ZNF568: variants seen among roughly 807,000 people sequenced by gnomAD.
The protein encoded by ZNF568 is zinc finger protein 568, also known as p53 inhibitor of SCO2 activation.
Under a neutral mutation model 18.1 loss-of-function variants are expected in ZNF568, and 11 were observed. The observed-to-expected ratio is 0.61, with a 90% CI of 0.38 to 1.00. The LOEUF (loss-of-function observed/expected upper bound fraction) is 1.00. ZNF568 is among the 50% of genes least tolerant of loss of function. The pLI is 0.01. For missense variants in ZNF568, 639 were observed against 768.2 expected, an observed-to-expected ratio of 0.83 and a Z score of 1.99; for synonymous variants, 213 against 246.6, an observed-to-expected ratio of 0.86 and a Z score of 1.28.
At chr19:36,937,051 T>C in intron 5 of ZNF568, 96 bp from the exon 6 acceptor site, 1 of 1,400,972 alleles carries the variant, frequency 7.1e-7, no homozygotes, top group Middle Eastern at 1.9e-4. Context: ...TCATTCATCC[T>C]CATCTTTTAT....
At chr19:36,959,802 T>A (rs1032784599) in intron 6 of ZNF568, among the ~76,000 whole-genome samples, 10 of 152,172 alleles carry the variant, frequency 6.6e-5, no homozygotes, top group African/African-American at 2.4e-4. Context: ...TAGCTGCTCG[T>A]AAGTCTCTGA....
intron 7 of ZNF568, among the ~76,000 whole-genome samples, chr19:36,978,022 C>T (rs1030107913): frequency 6.6e-6 from 1 of 152,198 alleles, no homozygotes; most frequent in Admixed American, 6.5e-5. Context: ...AGCTTATGCC[C>T]TAGGGCCTCA....
chr19:36,994,345 A>G (rs547757350), intron 4 of ZNF568, among the ~76,000 whole-genome samples: 1 of 152,316 alleles, frequency 6.6e-6, no homozygotes, highest in East Asian at 1.9e-4. Context: ...AACCTGAAAA[A>G]TGTTCCATAC....
intron 6 of ZNF568, among the ~76,000 whole-genome samples, chr19:36,939,680 C>T (rs897482965): frequency 6.6e-6 from 1 of 151,742 alleles, no homozygotes; most frequent in Non-Finnish European, 1.5e-5. Context: ...GCTGGGACTA[C>T]AGGCACGCGT....
intron 2 of ZNF568, chr19:36,991,019 C>G: frequency 1.4e-6 from 1 of 716,114 alleles, no homozygotes; most frequent in Non-Finnish European, 2.2e-6. Flanking sequence ...TCTGATCACC[C>G]CTGTTTCCAC....
intron 4 of ZNF568, among the ~76,000 whole-genome samples, chr19:36,927,898 TA>T (rs1226697546): frequency 8.5e-5 from 3 of 35,268 alleles, no homozygotes; most frequent in African/African-American, 4.2e-4. Flanking sequence ...TATATATATA[TA>T]TATATTTTTT....
intron 4 of ZNF568, among the ~76,000 whole-genome samples, chr19:36,928,933 T>G (rs1179467421): frequency 6.6e-6 from 1 of 152,100 alleles, no homozygotes; most frequent in Non-Finnish European, 1.5e-5. Flanking sequence ...CTACATAGAT[T>G]GATCAGAATC....
At chr19:36,985,377 G>A (rs1318076573) in intron 2 of ZNF568, among the ~76,000 whole-genome samples, 1 of 152,074 alleles carries the variant, frequency 6.6e-6, no homozygotes, top group Non-Finnish European at 1.5e-5. Flanking sequence ...TTTTACAGAG[G>A]TGATTCCTCC....
chr19:36,981,184 G>T (rs574683750), downstream of ZNF568, among the ~76,000 whole-genome samples: 2 of 152,060 alleles, frequency 1.3e-5, no homozygotes, highest in Non-Finnish European at 2.9e-5. Context: ...TTTCTAATCT[G>T]TCCGTCCGTT....
intron 6 of ZNF568, among the ~76,000 whole-genome samples, chr19:36,962,277 GTTTT>G (rs71177418): frequency 3.5e-4 from 16 of 45,286 alleles, no homozygotes; most frequent in East Asian, 1.8e-3. Flanking sequence ...GTGTTGCAGT[GTTTT>G]TTTTTTTTTT....
intron 3 of ZNF568, chr19:36,991,546 G>T: frequency 1.6e-6 from 1 of 632,334 alleles, no homozygotes; most frequent in Non-Finnish European, 2.6e-6. Context: ...TGATGAAGTG[G>T]AAATGAATGG....
chr19:36,948,245 G>GT (rs1568391606), intron 6 of ZNF568, among the ~76,000 whole-genome samples: 1 of 151,772 alleles, frequency 6.6e-6, no homozygotes, highest in East Asian at 1.9e-4. Context: ...TTTCCAATGG[G>GT]TTTCTTTTAC....
intron 6 of ZNF568, among the ~76,000 whole-genome samples, chr19:36,945,285 C>T (rs971413288): frequency 6.7e-6 from 1 of 149,970 alleles, no homozygotes; most frequent in Non-Finnish European, 1.5e-5. Flanking sequence ...AATTGGCCCT[C>T]GGACAACATG....
At chr19:36,934,632 G>A (rs1308688637) in intron 4 of ZNF568, among the ~76,000 whole-genome samples, 1 of 152,102 alleles carries the variant, frequency 6.6e-6, no homozygotes, top group East Asian at 1.9e-4. Context: ...TTTTAAGGTA[G>A]AAAGTTAGTT....
At chr19:36,953,002 T>C (rs1397140509), downstream of ZNF568, among the ~76,000 whole-genome samples, 1 of 152,246 alleles carries the variant, frequency 6.6e-6, no homozygotes, top group Non-Finnish European at 1.5e-5. Context: ...CAACTGATGA[T>C]ATCTTAGATT....
chr19:36,973,498 T>G lies in ZNF568; in HGVS notation c.359-922T>G, dbSNP rs1443708681. ...GGTGTCAGGGCCACTGGCCCCCAGC[T>G]CGGCAGAGGGCAGTGTCGGGCCGCG... On this transcript the variant is annotated intron_variant, in intron 6 of 7. Coordinates refer to the ZNF568 transcript ENST00000427117. 3.2e-5 allele frequency: 5 copies of G among 155,014 alleles called. No homozygotes were observed. In the East Asian group the frequency reaches 9.6e-4, roughly 30 times the overall value. The allele number at this position is 155,014 out of a possible 1,614,324, so 9.6% of individuals were successfully genotyped here. A position where few individuals can be genotyped will look rare whatever the true frequency, so the allele number is the denominator to read the frequency against.
chr19:36,953,048 A>G (rs1293278035), downstream of ZNF568, among the ~76,000 whole-genome samples: 1 of 152,246 alleles, frequency 6.6e-6, no homozygotes, highest in Non-Finnish European at 1.5e-5. Context: ...TTTGAAAATC[A>G]GATGCCAGTA....
chr19:36,971,258 CTT>C (rs1170369151), intron 6 of ZNF568, among the ~76,000 whole-genome samples: 2 of 132,118 alleles, frequency 1.5e-5, no homozygotes, highest in East Asian at 3.9e-4. Flanking sequence ...CTCTTAAACT[CTT>C]TATGTTTTTT....
chr19:36,997,404 CT>C (rs1438896436), downstream of ZNF568: 4 of 1,588,538 alleles, frequency 2.5e-6, no homozygotes, highest in Non-Finnish European at 2.6e-6. Context: ...GTGAAAAGGC[CT>C]TTACTTGTAG....
Sources: gnomAD v4.1 joint callset for allele counts (sites outside exome capture counted in the v4.1 genomes callset) on GRCh38, gnomAD v4.1.1 for gene constraint, MANE v1.5 for transcripts, NCBI Gene and HGNC (gene_info 2026-07-23, HGNC 2026-07-21) for gene names.